Variants in MAML3 observed in about 807,000 individuals in gnomAD.
MAML3 encodes the protein mastermind-like protein 3.
In MAML3, 27 loss-of-function variants were observed where a neutral mutation model predicts 101.9. The ratio of observed to expected loss-of-function variants is 0.27; its 90% CI spans 0.20 to 0.37. The LOEUF (loss-of-function observed/expected upper bound fraction) is 0.37, where lower values mean the gene tolerates loss of function less well. MAML3 is among the 10% of genes least tolerant of loss of function. The probability of loss-of-function intolerance (pLI) is 1.00; values close to 1 mark genes in which losing one functional copy is unlikely to be tolerated. For synonymous variants in MAML3, 501 were observed against 555.9 expected, an observed-to-expected ratio of 0.90 and a Z score of 1.39; for missense variants, 1,316 against 1,444.9, an observed-to-expected ratio of 0.91 and a Z score of 1.45.
At chr4:140,054,538 A>G (rs770841889) in intron 1 of MAML3, among the ~76,000 whole-genome samples, 1 of 152,172 alleles carries the variant, frequency 6.6e-6, no homozygotes, top group Non-Finnish European at 1.5e-5. Flanking sequence ...TTATCTGCCT[A>G]AGATGCCTTG....
chr4:139,720,203 G>A lies in MAML3; in HGVS notation c.2537C>T (p.Thr846Met), dbSNP rs368377401. Residue 846 changes from threonine (T) to methionine (M), a missense_variant, in exon 5 of 5, where the codon ACG (threonine) becomes ATG (methionine). Thr to Met is a moderately conservative substitution (Grantham distance 81). Coordinates refer to ENST00000509479, the MANE Select transcript of MAML3 (RefSeq NM_018717.5). ...MGIGPSQNPG[T>M]MATAAAQSEM... ...CGACTGCGCAGCTGCGGTGGCCATC[G>A]TCCCAGGGTTCTGGGAGGGTCCTAT... 9.9e-6 allele frequency: 16 copies of A among 1,613,798 alleles called. No homozygotes were observed. Among genetic ancestry groups the A allele is most frequent in the Admixed American group, 5.0e-5 (3 of 60,016 alleles).
At chr4:140,131,810 G>A (rs897006591) in intron 1 of MAML3, among the ~76,000 whole-genome samples, 6 of 152,324 alleles carry the variant, frequency 3.9e-5, no homozygotes, top group African/African-American at 1.4e-4. Flanking sequence ...CACCAAGCCA[G>A]GGGCTGTGAA....
At chr4:140,130,157 G>A (rs1728767184) in intron 1 of MAML3, among the ~76,000 whole-genome samples, 1 of 152,080 alleles carries the variant, frequency 6.6e-6, no homozygotes, top group Non-Finnish European at 1.5e-5. Flanking sequence ...AAACCAAATA[G>A]GTACTCTTTT....
intron 2 of MAML3, among the ~76,000 whole-genome samples, chr4:139,863,876 T>C (rs1042156936): frequency 1.6e-5 from 2 of 121,582 alleles, no homozygotes; most frequent in African/African-American, 5.5e-5. Context: ...ACCCTTGACA[T>C]GGGAGGGGAA....
At chr4:139,885,932 C>CAA (rs1182443191) in intron 2 of MAML3, among the ~76,000 whole-genome samples, 305 of 20,254 alleles carry the variant, frequency 0.015, 51 homozygotes, top group East Asian at 0.039. Flanking sequence ...GACTCCGTCT[C>CAA]AAAAAAAAAA....
chr4:140,152,942 G>A lies in MAML3; in HGVS notation c.386C>T (p.Thr129Ile). The A allele has an allele frequency of 5.0e-6, 8 of 1,612,584 alleles. No homozygotes were observed. The highest frequency in any genetic ancestry group is 6.8e-6 in the Non-Finnish European group (8 of 1,179,538). Residue 129 changes from threonine to isoleucine, a missense_variant, in exon 1 of 5, where the codon ACC (threonine) becomes ATC (isoleucine). Thr to Ile is a moderately conservative substitution (Grantham distance 89, BLOSUM62 -1). Coordinates refer to ENST00000509479, the MANE Select transcript of MAML3 (RefSeq NM_018717.5). ...TTTGCTCGGGTGCTGCTGTTTGCCG[G>A]TGCCGGCGCCCGATTTCTTGGCCCT... The part of the protein sequence containing the change: ...EQRAKKSGAG[T>I]GKQQHPSKPQ...
At chr4:139,973,332 G>T (rs1734262956) in intron 1 of MAML3, among the ~76,000 whole-genome samples, 1 of 152,056 alleles carries the variant, frequency 6.6e-6, no homozygotes, top group Non-Finnish European at 1.5e-5. Context: ...AATAGCAAAG[G>T]CAGGCTGAAT....
intron 2 of MAML3, among the ~76,000 whole-genome samples, chr4:139,791,122 A>G (rs955398618): frequency 5.3e-5 from 8 of 152,364 alleles, no homozygotes; most frequent in Middle Eastern, 3.4e-3. Flanking sequence ...CTGAACTTTA[A>G]AAGTTTTATA....
Position 139,720,088 on chromosome 4 carries a change from A to C in MAML3, c.2652T>G (p.His884Gln), listed in dbSNP as rs888537005. Residue 884 changes from histidine to glutamine, a missense_variant, in exon 5 of 5, where the codon CAT (histidine) becomes CAG (glutamine). By Grantham distance (24) the His-to-Gln change is conservative. Coordinates refer to ENST00000509479, the MANE Select transcript of MAML3 (RefSeq NM_018717.5). ...MSTGMTQMLQ[H>Q]PNQSGMSITH... ...TGATGCTCATGCCACTTTGGTTTGG[A>C]TGCTGCAACATTTGGGTCATGCCTG... The C allele has an allele frequency of 2.5e-6, 4 of 1,613,916 alleles. No individual in the cohort carries two copies. The highest frequency in any genetic ancestry group is 3.3e-5 in the Admixed American group (2 of 60,012).
chr4:139,988,014 C>G (rs1236598944), intron 1 of MAML3, among the ~76,000 whole-genome samples: 2 of 94,682 alleles, frequency 2.1e-5, no homozygotes, highest in African/African-American at 7.9e-5. Context: ...CAGCAAAACT[C>G]CGTCTCAAAA....
intron 1 of MAML3, among the ~76,000 whole-genome samples, chr4:139,914,315 A>G (rs531986613): frequency 1.3e-4 from 20 of 152,290 alleles, no homozygotes; most frequent in African/African-American, 4.8e-4. Context: ...TCATTTATAC[A>G]CTAGGACCTA....
At position 139,717,610 on chromosome 4, in the gene MAML3, C is replaced by G. The variant is rs1458231713; in HGVS notation, c.*1713G>C. On this transcript the variant is annotated 3_prime_UTR_variant, in exon 5 of 5. Coordinates refer to ENST00000509479, the MANE Select transcript of MAML3 (RefSeq NM_018717.5). ...CAAAGGCAATGTTTGCCTGCCGCCT[C>G]CTCTCCAAAAACACCTCTGCCCCCA... The G allele has an allele frequency of 1.3e-5, 2 of 152,678 alleles. No individual in the cohort carries two copies. The highest frequency in any genetic ancestry group is 2.9e-5 in the Non-Finnish European group (2 of 68,416). 9.5% of individuals were successfully genotyped at this position (152,678 alleles called of 1,614,324 possible).
intron 1 of MAML3, among the ~76,000 whole-genome samples, chr4:140,079,013 G>A: frequency 6.6e-6 from 1 of 152,148 alleles, no homozygotes; most frequent in East Asian, 1.9e-4. Flanking sequence ...TGCTGATACA[G>A]ATATGGGAAG....
chr4:139,785,609 C>T lies in MAML3; in HGVS notation c.2080-54942G>A, dbSNP rs146066664. ...ATATCACCCAGCACGAACAATATGG[C>T]TCCCCAGCGCCTGGGGCACTGCATG... On this transcript the variant is annotated intron_variant, in intron 2 of 4. Coordinates refer to ENST00000509479, the MANE Select transcript of MAML3 (RefSeq NM_018717.5). This position sits in a 1 kb window ranked among gnomAD's most constrained non-coding sequence, Gnocchi z 4.3. Among the ~76,000 whole-genome samples, 1 of 152,294 alleles carries T rather than the reference C, an allele frequency of 6.6e-6. No homozygotes were observed. The highest frequency in any genetic ancestry group is 1.5e-5 in the Non-Finnish European group (1 of 68,026).
At chr4:140,000,963 C>A (rs1466251973) in intron 1 of MAML3, among the ~76,000 whole-genome samples, 2 of 151,710 alleles carry the variant, frequency 1.3e-5, no homozygotes, top group Non-Finnish European at 2.9e-5. Context: ...GGGAGGTGGA[C>A]GTTGTGGTGA....
chr4:139,851,239 T>A (rs1003630956), intron 2 of MAML3, among the ~76,000 whole-genome samples: 1 of 152,184 alleles, frequency 6.6e-6, no homozygotes, highest in Non-Finnish European at 1.5e-5. Flanking sequence ...AGTATGACCA[T>A]CCAACTTCTT....
At position 140,078,966 on chromosome 4, in the gene MAML3, A is replaced by G. The variant is rs1050964870; in HGVS notation, c.468+73894T>C. Among the ~76,000 whole-genome samples, 8 of 152,324 alleles carry G rather than the reference A, an allele frequency of 5.3e-5. No homozygotes were observed. In the East Asian group the frequency reaches 5.8e-4, roughly 11 times the overall value. ...TCTGGGTGGGTGTTAAATTATAATT[A>G]TGTCTACAATGGTATATGAAAAACC... On this transcript the variant is annotated intron_variant, in intron 1 of 4. Transcript: ENST00000509479.
chr4:139,784,882 A>G (rs1730278860), intron 2 of MAML3, among the ~76,000 whole-genome samples: 1 of 152,130 alleles, frequency 6.6e-6, no homozygotes, highest in African/African-American at 2.4e-5. Context: ...AGTGGGAGCT[A>G]ATGTGTGCAC....
At chr4:140,143,748 G>A (rs545289308) in intron 1 of MAML3, among the ~76,000 whole-genome samples, 11 of 152,234 alleles carry the variant, frequency 7.2e-5, no homozygotes, top group South Asian at 2.1e-4. Flanking sequence ...GCGACAGAGC[G>A]AGACTCTGTC....
Sources: gnomAD v4.1 joint callset for allele counts (sites outside exome capture counted in the v4.1 genomes callset) on GRCh38, gnomAD v4.1.1 for gene constraint, Gnocchi (gnomAD v3.1) non-coding constraint, MANE v1.5 for transcripts, NCBI Gene and HGNC (gene_info 2026-07-23, HGNC 2026-07-21) for gene names.